The following ABCA13 variants were observed in gnomAD, a reference collection of about 807,000 sequenced individuals.
The protein encoded by ABCA13 is ATP binding cassette subfamily A member 13.
ABCA13 carries 476 observed loss-of-function variants against 478.7 expected under a neutral mutation model. The ratio of observed to expected loss-of-function variants is 0.99; its 90% CI spans 0.92 to 1.07. ABCA13 has a LOEUF of 1.07. Among genes scored for constraint, ABCA13 ranks in the 50% least tolerant of loss-of-function variants. The probability of loss-of-function intolerance (pLI) is 0.00; values close to 1 mark genes in which losing one functional copy is unlikely to be tolerated. For synonymous variants in ABCA13, 2,252 were observed against 2,158.9 expected, an observed-to-expected ratio of 1.04 and a Z score of -1.20; for missense variants, 6,060 against 5,910.6, an observed-to-expected ratio of 1.03 and a Z score of -0.83.
chr7:48,387,709 T>C (rs1276766336), intron 35 of ABCA13, 113 bp from the exon 36 acceptor site: 14 of 914,166 alleles, frequency 1.5e-5, no homozygotes, highest in Non-Finnish European at 2.2e-5. Context: ...ATGGGACATA[T>C]ATTAAAAATA....
At chr7:48,298,745 G>C (rs757329981) in intron 23 of ABCA13, among the ~76,000 whole-genome samples, 29 of 152,226 alleles carry the variant, frequency 1.9e-4, no homozygotes, top group Non-Finnish European at 3.7e-4. Flanking sequence ...TTAGAACAAA[G>C]TTGGTGATTA....
chr7:48,474,487 T>C (rs1338034841), intron 45 of ABCA13, among the ~76,000 whole-genome samples: 1 of 152,188 alleles, frequency 6.6e-6, no homozygotes, highest in Non-Finnish European at 1.5e-5. Flanking sequence ...CCAAGCATGG[T>C]TGCATTCTTC....
chr7:48,527,957 T>C (rs894447019), intron 54 of ABCA13, among the ~76,000 whole-genome samples: 2 of 152,192 alleles, frequency 1.3e-5, no homozygotes, highest in Non-Finnish European at 2.9e-5. Context: ...TCTCATCCTC[T>C]TGAGTTTTCC....
chr7:48,349,412 T>G (rs1006594177), intron 29 of ABCA13, among the ~76,000 whole-genome samples: 9 of 152,352 alleles, frequency 5.9e-5, no homozygotes, highest in Non-Finnish European at 1.3e-4. Context: ...CCATCTGAAG[T>G]TGGCAGATGG....
At chr7:48,594,635 G>A (rs1302615753) in intron 57 of ABCA13, 75 bp from the exon 58 acceptor site, 1 of 1,375,030 alleles carries the variant, frequency 7.3e-7, no homozygotes, top group South Asian at 1.2e-5. Context: ...CCTGGGGTCT[G>A]GCCTCCCATG....
At chr7:48,204,136 G>A (rs1784597414) in intron 3 of ABCA13, among the ~76,000 whole-genome samples, 1 of 148,200 alleles carries the variant, frequency 6.7e-6, no homozygotes, top group Non-Finnish European at 1.5e-5. Flanking sequence ...TTCTGAGACG[G>A]AGTTTCTTTC....
chr7:48,624,059 AGTGTGTGTGTGT>A (rs3078326), intron 59 of ABCA13, among the ~76,000 whole-genome samples: 12 of 142,540 alleles, frequency 8.4e-5, no homozygotes, highest in South Asian at 2.3e-4. Context: ...CACATGATAG[AGTGTGTGTGTGT>A]GTGTGTGTGT....
intron 32 of ABCA13, among the ~76,000 whole-genome samples, chr7:48,370,690 T>C (rs1387017349): frequency 1.3e-5 from 2 of 152,128 alleles, no homozygotes; most frequent in African/African-American, 2.4e-5. Flanking sequence ...TGAATGATAA[T>C]AGTGATACAA....
intron 31 of ABCA13, among the ~76,000 whole-genome samples, chr7:48,363,511 T>C (rs1280349778): frequency 6.6e-6 from 1 of 152,146 alleles, no homozygotes; most frequent in African/African-American, 2.4e-5. Context: ...TCTTGATGTA[T>C]TCTAGCTTTG....
chr7:48,601,021 GT>G (rs1344886259), intron 58 of ABCA13, among the ~76,000 whole-genome samples: 1 of 151,390 alleles, frequency 6.6e-6, no homozygotes, highest in African/African-American at 2.4e-5. Flanking sequence ...TTTTAGTCTT[GT>G]TTTTTTCTAT....
At chr7:48,600,313 G>C (rs970598873) in intron 58 of ABCA13, among the ~76,000 whole-genome samples, 2 of 150,804 alleles carry the variant, frequency 1.3e-5, no homozygotes, top group African/African-American at 4.8e-5. Context: ...TCTTTGAATA[G>C]GAGTGTTTCC....
At position 48,233,377 on chromosome 7, in the gene ABCA13, G is replaced by A. The variant is rs140863169; in HGVS notation, c.764-641G>A. On this transcript the variant is annotated intron_variant, in intron 7 of 61. Coordinates refer to ENST00000435803, the MANE Select transcript of ABCA13 (RefSeq NM_152701.5). Reference sequence around the variant, plus strand: ...GTGTTTTTATGTTTGCAGTTGCTGAGGCATACTCCCCAGAGATTTTGTCAT... The same window carrying A: ...GTGTTTTTATGTTTGCAGTTGCTGAAGCATACTCCCCAGAGATTTTGTCAT... Among the ~76,000 whole-genome samples, 336 of 152,194 alleles carry A rather than the reference G, an allele frequency of 2.2e-3. 2 individuals are homozygous for A. Among genetic ancestry groups the A allele is most frequent in the African/African-American group, 7.8e-3 (323 of 41,522 alleles).
At chr7:48,414,987 T>C (rs1187734675) in intron 41 of ABCA13, among the ~76,000 whole-genome samples, 1 of 152,176 alleles carries the variant, frequency 6.6e-6, no homozygotes, top group Non-Finnish European at 1.5e-5. Context: ...TCCAGGAATT[T>C]TTGGGAGACA....
At chr7:48,411,057 CTTTCTTTCTTTCTT>C (rs1177199517) in intron 40 of ABCA13, among the ~76,000 whole-genome samples, 6 of 112,222 alleles carry the variant, frequency 5.3e-5, no homozygotes, top group African/African-American at 2.0e-4. Context: ...CTTTTTCTTT[CTTTCTTTCTTTCTT>C]TTTCTTTCTT....
Position 48,412,510 on chromosome 7 carries a change from T to A in ABCA13, c.12386T>A (p.Phe4129Tyr). Residue 4129 changes from phenylalanine to tyrosine, a missense_variant, in exon 41 of 62, where the codon TTC becomes TAC. Transcript: ENST00000435803. ...GACAAGGCCTGCTTGAAAGGGCTCTTCCAGGCCCTGGATGAGAACCTGCAT... is the reference window on the plus strand; with the variant it reads ...GACAAGGCCTGCTTGAAAGGGCTCTACCAGGCCCTGGATGAGAACCTGCAT... ...DTDKACLKGL[F>Y]QALDENLHQL... is the part of the protein sequence containing the mutation. The A allele has an allele frequency of 6.2e-7, 1 of 1,613,396 alleles. No individual in the cohort carries two copies. Among genetic ancestry groups the A allele is most frequent in the Middle Eastern group, 1.6e-4 (1 of 6,062 alleles).
chr7:48,315,245 C>T (rs1802398884), intron 26 of ABCA13, among the ~76,000 whole-genome samples: 1 of 152,178 alleles, frequency 6.6e-6, no homozygotes, highest in African/African-American at 2.4e-5. Context: ...GCATGACAAT[C>T]ATTGCACACT....
At chr7:48,239,440 T>C (rs1251402506) in intron 9 of ABCA13, 35 bp downstream of exon 9, 2 of 1,542,170 alleles carry the variant, frequency 1.3e-6, no homozygotes, top group Non-Finnish European at 1.7e-6. Flanking sequence ...TGTTCAAAGG[T>C]GTGCCAGTTT....
chr7:48,575,033 A>G (rs1363622098), intron 55 of ABCA13, among the ~76,000 whole-genome samples: 3 of 149,972 alleles, frequency 2.0e-5, no homozygotes, highest in African/African-American at 7.3e-5. Context: ...TCCAGAAAAT[A>G]CTTGAAACTT....
chr7:48,583,256 T>G (rs1461559174), intron 56 of ABCA13, among the ~76,000 whole-genome samples: 1 of 152,236 alleles, frequency 6.6e-6, no homozygotes, highest in Non-Finnish European at 1.5e-5. Flanking sequence ...CACAGTCAGT[T>G]TAGCTAGAAG....
Sources: gnomAD v4.1 joint callset for allele counts (sites outside exome capture counted in the v4.1 genomes callset) on GRCh38, gnomAD v4.1.1 for gene constraint, MANE v1.5 for transcripts, NCBI Gene and HGNC (gene_info 2026-07-23, HGNC 2026-07-21) for gene names.